CDH23: variants seen among roughly 807,000 people sequenced by gnomAD.
CDH23 encodes cadherin related 23.
Under a neutral mutation model 317.1 loss-of-function variants are expected in CDH23, and 189 were observed. The ratio of observed to expected loss-of-function variants is 0.60; its 90% CI spans 0.53 to 0.67. CDH23 has a LOEUF of 0.67. Ranked by LOEUF, CDH23 falls within the 30% of genes least tolerant of loss-of-function variation. The pLI, the probability that CDH23 is intolerant of heterozygous loss-of-function variation, is 0.00. For missense variants in CDH23, 4,401 were observed against 4,592.4 expected, an observed-to-expected ratio of 0.96 and a Z score of 1.20; for synonymous variants, 1,839 against 1,876.8, an observed-to-expected ratio of 0.98 and a Z score of 0.52.
At chr10:71,464,606 G>C (rs964265936) in intron 3 of CDH23, among the ~76,000 whole-genome samples, 8 of 151,910 alleles carry the variant, frequency 5.3e-5, no homozygotes, top group Admixed American at 4.6e-4. Flanking sequence ...CTGGAGCCTG[G>C]GTGGATGACT....
chr10:71,753,799 A>C (rs773635854), intron 38 of CDH23: 1 of 456,454 alleles, frequency 2.2e-6, no homozygotes, highest in South Asian at 1.5e-5. Context: ...ACAACAACAG[A>C]ACAAACACAG....
chr10:71,529,822 A>G (rs1375709163), intron 6 of CDH23, among the ~76,000 whole-genome samples: 1 of 151,590 alleles, frequency 6.6e-6, no homozygotes, highest in Non-Finnish European at 1.5e-5. Context: ...CCTCCTCCTT[A>G]CCCACGGAAC....
At chr10:71,425,372 G>GAAGGAAGGAAGGAAGGAAGGA (rs1849024082) in intron 1 of CDH23, among the ~76,000 whole-genome samples, 1 of 23,848 alleles carries the variant, frequency 4.2e-5, no homozygotes, top group South Asian at 1.4e-3. Context: ...AGAGAGAGGA[G>GAAGGAAGGAAGGAAGGAAGGA]AAGGAAGGAA....
At chr10:71,745,695 A>G (rs1839839133) in intron 38 of CDH23, among the ~76,000 whole-genome samples, 1 of 152,198 alleles carries the variant, frequency 6.6e-6, no homozygotes, top group African/African-American at 2.4e-5. Context: ...AGGGTTATGA[A>G]TATCCCCAAG....
chr10:71,433,199 A>G (rs1222049492), intron 1 of CDH23, among the ~76,000 whole-genome samples: 1 of 152,200 alleles, frequency 6.6e-6, no homozygotes, highest in Non-Finnish European at 1.5e-5. Flanking sequence ...ACTCCCCTGC[A>G]TACATTCACA....
At chr10:71,449,082 C>T (rs1850308389) in intron 3 of CDH23, among the ~76,000 whole-genome samples, 1 of 152,212 alleles carries the variant, frequency 6.6e-6, no homozygotes, top group Non-Finnish European at 1.5e-5. Flanking sequence ...TACAATACCA[C>T]CACCTCTAAA....
At chr10:71,471,850 T>A (rs1443269687) in intron 3 of CDH23, among the ~76,000 whole-genome samples, 1 of 152,232 alleles carries the variant, frequency 6.6e-6, no homozygotes, top group Non-Finnish European at 1.5e-5. Flanking sequence ...ATCTTTCCTC[T>A]GTACTCATGG....
chr10:71,756,001 C>T (rs770014936), intron 38 of CDH23, among the ~76,000 whole-genome samples: 4 of 152,024 alleles, frequency 2.6e-5, no homozygotes, highest in Non-Finnish European at 5.9e-5. Context: ...ATAAAAAGCC[C>T]CAACTCATCC....
At chr10:71,752,121 C>T (rs1840020306) in intron 38 of CDH23, 2 of 637,804 alleles carry the variant, frequency 3.1e-6, no homozygotes, top group East Asian at 3.0e-5. Context: ...GACCATCAAC[C>T]CCGGGCACAG....
At chr10:71,619,909 C>T (rs1243780043) in intron 11 of CDH23, among the ~76,000 whole-genome samples, 1 of 152,090 alleles carries the variant, frequency 6.6e-6, no homozygotes. Flanking sequence ...TGTGTGACCT[C>T]AGGTAAAGTA....
Position 71,807,318 on chromosome 10 carries a change from C to G in CDH23, c.8220C>G (p.His2740Gln). ...ACCAGCTGCTGACAGTGCCTGAGCA[C>G]TCACCACGCGGCACCCTCGTGGGCA... ...PQYQLLTVPE[H>Q]SPRGTLVGNV... is the part of the protein sequence containing the mutation. The change falls in exon 58 of 70, where the codon CAC becomes CAG. Residue 2740 changes from histidine (H) to glutamine (Q), a missense_variant. By Grantham distance (24) the His-to-Gln change is conservative. Around this residue, in one of 3 missense-constraint regions of CDH23, gnomAD observed 1,144 missense variants for 1,138.2 expected, o/e 1.01. Transcript: ENST00000224721. The G allele has an allele frequency of 2.5e-6, 4 of 1,613,964 alleles. No homozygotes were observed. The highest frequency in any genetic ancestry group is 3.4e-6 in the Non-Finnish European group (4 of 1,179,858).
chr10:71,502,266 T>C (rs1853380252), intron 3 of CDH23, among the ~76,000 whole-genome samples: 1 of 152,224 alleles, frequency 6.6e-6, no homozygotes, highest in East Asian at 1.9e-4. Context: ...GAAGTCCTTT[T>C]AGGTCACAGG....
At chr10:71,814,437 G>A (rs1048598861) in intron 69 of CDH23, among the ~76,000 whole-genome samples, 4 of 152,172 alleles carry the variant, frequency 2.6e-5, no homozygotes, top group African/African-American at 7.2e-5. Context: ...GGGCAGGTGC[G>A]GTGGCTCACA....
intron 11 of CDH23, among the ~76,000 whole-genome samples, chr10:71,623,206 CTG>C (rs1265686139): frequency 6.6e-6 from 1 of 152,204 alleles, no homozygotes; most frequent in Non-Finnish European, 1.5e-5. Context: ...TGATTCCTGA[CTG>C]TGGTCCCAGA....
At chr10:71,444,986 G>T (rs981363059) in intron 2 of CDH23, among the ~76,000 whole-genome samples, 3 of 152,172 alleles carry the variant, frequency 2.0e-5, no homozygotes, top group African/African-American at 4.8e-5. Context: ...GAAGCTGGGG[G>T]ACAGGTGGGG....
rs189025927 is a variant in CDH23, at chr10:71,474,664, C to T, written c.145+28269C>T. 2.6e-5 allele frequency among the ~76,000 whole-genome samples: 4 copies of T among 152,320 alleles called. No homozygotes were observed. The East Asian group carries it at 5.8e-4, about 22-fold the overall frequency. On this transcript the variant is annotated intron_variant, in intron 3 of 69. Coordinates refer to ENST00000224721, the MANE Select transcript of CDH23 (RefSeq NM_022124.6). ...GGTGAGATGAGCCAGTGCATTGCCA[C>T]GATCGTTGCTTTTAACTTTCCCATT...
At chr10:71,603,206 C>T (rs1329358293) in intron 9 of CDH23, among the ~76,000 whole-genome samples, 1 of 152,192 alleles carries the variant, frequency 6.6e-6, no homozygotes, top group Non-Finnish European at 1.5e-5. Context: ...GTGCCCCCTC[C>T]TCCTGCCATG....
chr10:71,773,633 G>A (rs1037838220), intron 38 of CDH23: 3 of 476,348 alleles, frequency 6.3e-6, no homozygotes, highest in Non-Finnish European at 1.1e-5. Flanking sequence ...TCCGAGGGCC[G>A]CGTGGGAGGG....
At chr10:71,814,144 T>C (rs974094153) in intron 69 of CDH23, among the ~76,000 whole-genome samples, 2 of 152,202 alleles carry the variant, frequency 1.3e-5, no homozygotes, top group Non-Finnish European at 2.9e-5. Flanking sequence ...TATTGACACT[T>C]TCTGCCTGGA....
Sources: allele counts gnomAD v4.1 joint callset (sites outside exome capture counted in the v4.1 genomes callset), GRCh38; gene constraint gnomAD v4.1.1; regional missense constraint gnomAD v4.1.1; transcripts MANE v1.5; gene names NCBI Gene and HGNC (gene_info 2026-07-23, HGNC 2026-07-21).